The following MORC1 variants were observed in gnomAD, a reference collection of about 807,000 sequenced individuals.
MORC1 encodes MORC family CW-type zinc finger 1.
MORC1 carries 59 observed loss-of-function variants against 134.9 expected under a neutral mutation model. The ratio of observed to expected loss-of-function variants is 0.44; its 90% CI spans 0.35 to 0.54. The LOEUF (loss-of-function observed/expected upper bound fraction) is 0.54. Ranked by LOEUF, MORC1 falls within the 20% of genes least tolerant of loss-of-function variation. The pLI is 0.00. For synonymous variants in MORC1, 395 were observed against 391.7 expected (o/e 1.01, Z -0.10); for missense variants, 947 against 1,134.5 (o/e 0.83, Z 2.37).
chr3:109,015,169 C>T (rs1948788117), intron 17 of MORC1, among the ~76,000 whole-genome samples: 2 of 152,146 alleles, frequency 1.3e-5, no homozygotes, highest in Admixed American at 1.3e-4. Flanking sequence ...CAGGCGGGAG[C>T]CACCACACCC....
chr3:108,969,905 T>C (rs1432425061), intron 25 of MORC1, among the ~76,000 whole-genome samples, 183 bp from the exon 26 acceptor site: 1 of 152,198 alleles, frequency 6.6e-6, no homozygotes, highest in African/African-American at 2.4e-5. Context: ...TATACTTTGC[T>C]TCCTTCCAAA....
chr3:109,020,763 T>TCAAAAAAAAAAAAA (rs1292110358), intron 17 of MORC1, among the ~76,000 whole-genome samples: 37 of 53,260 alleles, frequency 6.9e-4, no homozygotes, highest in Middle Eastern at 0.019. Flanking sequence ...AGACTCTGTC[T>TCAAAAAAAAAAAAA]CAAAAAAAAA....
At chr3:109,084,595 A>G (rs1950583159) in intron 8 of MORC1, among the ~76,000 whole-genome samples, 2 of 152,194 alleles carry the variant, frequency 1.3e-5, no homozygotes, top group African/African-American at 4.8e-5. Context: ...CAATTTACAC[A>G]TTCAATAGAA....
At chr3:109,004,589 G>C (rs1948492725) in intron 20 of MORC1, among the ~76,000 whole-genome samples, 1 of 152,122 alleles carries the variant, frequency 6.6e-6, no homozygotes, top group Non-Finnish European at 1.5e-5. Context: ...AACTCATTTG[G>C]ACACATGAAA....
chr3:109,105,577 G>A (rs970372283), intron 3 of MORC1, among the ~76,000 whole-genome samples: 1 of 151,654 alleles, frequency 6.6e-6, no homozygotes, highest in East Asian at 1.9e-4. Context: ...CACTTGGGAG[G>A]CTGGAACAGG....
chr3:109,046,731 T>G (rs1280229125), intron 14 of MORC1, among the ~76,000 whole-genome samples: 1 of 152,224 alleles, frequency 6.6e-6, no homozygotes, highest in Non-Finnish European at 1.5e-5. Context: ...CTTTATTGTG[T>G]GTATTTAAAG....
Position 109,018,249 on chromosome 3 carries a change from G to C in MORC1, c.1704+9502C>G, listed in dbSNP as rs549921002. On this transcript the variant is annotated intron_variant, in intron 17 of 27. Coordinates refer to ENST00000232603, the MANE Select transcript of MORC1 (RefSeq NM_014429.4). The stretch of plus-strand genomic sequence containing the variant: ...ATACTTTTATGTTTCTGTACAGTTA[G>C]GATTTTCTGATTAAATTTACTTCAC... Among the ~76,000 whole-genome samples the C allele has an allele frequency of 4.1e-3, 629 of 152,176 alleles. 5 individuals are homozygous for C. The highest frequency in any genetic ancestry group is 0.02 in the South Asian group (98 of 4,810).
chr3:109,079,464 AT>A (rs1235717256), intron 8 of MORC1, among the ~76,000 whole-genome samples: 1 of 152,120 alleles, frequency 6.6e-6, no homozygotes, highest in Non-Finnish European at 1.5e-5. Flanking sequence ...ACACAAAAAA[AT>A]AAATAAAACA....
At chr3:109,046,107 C>A (rs908028704) in intron 14 of MORC1, among the ~76,000 whole-genome samples, 11 of 152,158 alleles carry the variant, frequency 7.2e-5, no homozygotes, top group African/African-American at 2.4e-4. Flanking sequence ...ATATAAAAAT[C>A]TATAGCATAT....
At chr3:109,111,050 TAAAA>T (rs11344763) in intron 2 of MORC1, among the ~76,000 whole-genome samples, 1 of 113,862 alleles carries the variant, frequency 8.8e-6, no homozygotes, top group Non-Finnish European at 1.8e-5. Context: ...GGATATAATT[TAAAA>T]AAAAAAAAAA....
chr3:109,110,621 C>T (rs1951143142), intron 3 of MORC1, 128 bp downstream of exon 3: 2 of 768,734 alleles, frequency 2.6e-6, no homozygotes, highest in Admixed American at 6.9e-5. Flanking sequence ...GGTCACTGTA[C>T]CCACAAAGCA....
intron 18 of MORC1, among the ~76,000 whole-genome samples, chr3:109,005,626 G>A (rs1251997978): frequency 2.0e-5 from 3 of 152,106 alleles, no homozygotes; most frequent in African/African-American, 4.8e-5. Flanking sequence ...TTGGCTCCCC[G>A]CTGCAAACAA....
At chr3:109,092,392 A>C (rs1950747919) in intron 8 of MORC1, among the ~76,000 whole-genome samples, 1 of 151,700 alleles carries the variant, frequency 6.6e-6, no homozygotes, top group Non-Finnish European at 1.5e-5. Context: ...TCTAAATTTC[A>C]CCTCATTGGG....
chr3:109,108,793 G>A lies in MORC1; in HGVS notation c.154+1956C>T, dbSNP rs780699816. 4.7e-4 allele frequency among the ~76,000 whole-genome samples: 71 copies of A among 151,948 alleles called. 1 individual carries two copies. Among genetic ancestry groups the A allele is most frequent in the Non-Finnish European group, 2.8e-4 (19 of 67,976 alleles). On this transcript the variant is annotated intron_variant, in intron 3 of 27. Transcript: ENST00000232603. ...CGGGCACATGTAGTCCCAGCTACTC[G>A]GTAGGCTGAGGCAGGAGAATGGTGT...
At chr3:109,025,379 C>CTTTTTTTTTTTTT (rs63701060) in intron 17 of MORC1, among the ~76,000 whole-genome samples, 219 of 105,036 alleles carry the variant, frequency 2.1e-3, no homozygotes, top group Middle Eastern at 5.6e-3. Context: ...TTTCTTTTTT[C>CTTTTTTTTTTTTT]TTTTTTTTTT....
chr3:109,012,450 T>C (rs902794833), intron 17 of MORC1, among the ~76,000 whole-genome samples: 1 of 152,222 alleles, frequency 6.6e-6, no homozygotes, highest in Non-Finnish European at 1.5e-5. Context: ...AATTTTAGAA[T>C]CAGTTTTTAG....
At chr3:109,057,524 T>C (rs754469901) in intron 12 of MORC1, 38 bp from the exon 13 acceptor site, 3 of 1,515,936 alleles carry the variant, frequency 2.0e-6, no homozygotes, top group African/African-American at 2.8e-5. Context: ...AGTTGTTTAT[T>C]AAATAAACAT....
At position 109,013,021 on chromosome 3, in the gene MORC1, A is replaced by C. The variant is rs547097277; in HGVS notation, c.1705-5930T>G. Among the ~76,000 whole-genome samples, 485 of 152,272 alleles carry C rather than the reference A, an allele frequency of 3.2e-3. 1 individual carries two copies. Among genetic ancestry groups the C allele is most frequent in the Non-Finnish European group, 5.1e-3 (349 of 68,018 alleles). On this transcript the variant is annotated intron_variant, in intron 17 of 27. Coordinates refer to ENST00000232603, the MANE Select transcript of MORC1 (RefSeq NM_014429.4). ...ACATTGATTCTTTCACTAATAAGCA[A>C]GATTTTAGCTGCAAGTGTTTTGTAG...
intron 26 of MORC1, among the ~76,000 whole-genome samples, chr3:108,968,004 C>T (rs888901493): frequency 4.6e-5 from 7 of 152,144 alleles, no homozygotes; most frequent in African/African-American, 1.7e-4. Context: ...TGGTACCTAC[C>T]TACCAAAGTT....
Sources: gnomAD v4.1 joint callset for allele counts (sites outside exome capture counted in the v4.1 genomes callset) on GRCh38, gnomAD v4.1.1 for gene constraint, MANE v1.5 for transcripts, NCBI Gene and HGNC (gene_info 2026-07-23, HGNC 2026-07-21) for gene names.